FAM117B: variants seen among roughly 807,000 people sequenced by gnomAD.
FAM117B encodes protein FAM117B.
A neutral mutation model predicts 52.8 loss-of-function variants in FAM117B; 22 were observed. The ratio of observed to expected loss-of-function variants is 0.42; its 90% CI spans 0.30 to 0.59. FAM117B has a LOEUF of 0.59. Among genes scored for constraint, FAM117B ranks in the 20% least tolerant of loss-of-function variants. FAM117B has a pLI of 0.22. For synonymous variants in FAM117B, 309 were observed against 324.1 expected (o/e 0.95, Z 0.50); for missense variants, 678 against 802.6 (o/e 0.84, Z 1.88).
At chr2:202,749,391 T>A (rs1481043048) in intron 4 of FAM117B, among the ~76,000 whole-genome samples, 1 of 152,026 alleles carries the variant, frequency 6.6e-6, no homozygotes, top group Non-Finnish European at 1.5e-5. Flanking sequence ...TAAAAATGAT[T>A]TGGTTAAACG....
chr2:202,710,363 A>G (rs1292343873), intron 2 of FAM117B, among the ~76,000 whole-genome samples: 1 of 151,804 alleles, frequency 6.6e-6, no homozygotes, highest in Admixed American at 6.6e-5. Context: ...TTCTTATGTT[A>G]TTTTTTGGTG....
intron 1 of FAM117B, among the ~76,000 whole-genome samples, chr2:202,650,914 A>G (rs1201131504): frequency 6.6e-6 from 1 of 151,992 alleles, no homozygotes; most frequent in East Asian, 1.9e-4. Flanking sequence ...CAATCCGCTG[A>G]CTCAAATATT....
intron 1 of FAM117B, among the ~76,000 whole-genome samples, chr2:202,687,981 T>A (rs1690570232): frequency 6.6e-6 from 1 of 152,210 alleles, no homozygotes; most frequent in African/African-American, 2.4e-5. Flanking sequence ...CTGGAGAAGA[T>A]GCAAAATTAG....
intron 4 of FAM117B, among the ~76,000 whole-genome samples, chr2:202,752,224 G>A (rs1344680476): frequency 6.6e-6 from 1 of 152,090 alleles, no homozygotes; most frequent in Admixed American, 6.5e-5. Context: ...ACCATACCAG[G>A]TTTCCTGTCA....
intron 3 of FAM117B, 73 bp downstream of exon 3, chr2:202,725,082 G>C (rs551192831): frequency 2.0e-5 from 22 of 1,122,156 alleles, no homozygotes; most frequent in Non-Finnish European, 2.6e-5. Flanking sequence ...TGATATTATG[G>C]GCAGCAAGGA....
chr2:202,736,002 T>C (rs1691433383), intron 4 of FAM117B, among the ~76,000 whole-genome samples: 1 of 152,186 alleles, frequency 6.6e-6, no homozygotes, highest in African/African-American at 2.4e-5. Context: ...AAGAAAGCCC[T>C]TCCATAGGAT....
chr2:202,699,527 T>TC (rs1307566757), intron 2 of FAM117B, among the ~76,000 whole-genome samples: 1 of 145,322 alleles, frequency 6.9e-6, no homozygotes, highest in Non-Finnish European at 1.5e-5. Context: ...GTGTAGAATC[T>TC]CCTAAAGGAT....
chr2:202,670,472 A>G (rs1254161455), intron 1 of FAM117B, among the ~76,000 whole-genome samples: 1 of 151,772 alleles, frequency 6.6e-6, no homozygotes, highest in Non-Finnish European at 1.5e-5. Context: ...GTATTTTTAG[A>G]GACGGGGTTT....
Position 202,635,193 on chromosome 2 carries a change from C to G in FAM117B, c.6C>G (p.Ser2=). ...CACCGGGGAGGGGGGGGACCATGTCCCAGCGGGTGAGGCGCAATGGGTCCC... is the reference window on the plus strand; with the variant it reads ...CACCGGGGAGGGGGGGGACCATGTCGCAGCGGGTGAGGCGCAATGGGTCCC... M[S]QRVRRNGSPT... is the part of the protein sequence containing the mutation. The change falls in exon 1 of 8, where the codon TCC becomes TCG. Residue 2 remains serine (S), a synonymous_variant. Coordinates refer to ENST00000392238, the MANE Select transcript of FAM117B (RefSeq NM_173511.4). The G allele has an allele frequency of 7.8e-7, 1 of 1,284,226 alleles. No homozygotes were observed. The highest frequency in any genetic ancestry group is 9.9e-7 in the Non-Finnish European group (1 of 1,013,678). 79.6% of individuals were successfully genotyped at this position (1,284,226 alleles called of 1,614,324 possible).
At chr2:202,651,160 C>A (rs182278531) in intron 1 of FAM117B, among the ~76,000 whole-genome samples, 1 of 149,866 alleles carries the variant, frequency 6.7e-6, no homozygotes. Context: ...CCTCCCAGTT[C>A]AAGCAATTCT....
intron 7 of FAM117B, among the ~76,000 whole-genome samples, 174 bp downstream of exon 7, chr2:202,759,527 G>T (rs1691851687): frequency 6.6e-6 from 1 of 150,788 alleles, no homozygotes; most frequent in African/African-American, 2.4e-5. Flanking sequence ...AAGTAGCTGG[G>T]AATACAGATG....
chr2:202,737,847 C>A (rs1002719884), intron 4 of FAM117B, among the ~76,000 whole-genome samples: 1 of 152,148 alleles, frequency 6.6e-6, no homozygotes, highest in East Asian at 1.9e-4. Context: ...GGTGATCTGA[C>A]CACCTCGACC....
At chr2:202,654,079 G>GAC (rs1172901622) in intron 1 of FAM117B, among the ~76,000 whole-genome samples, 1 of 151,524 alleles carries the variant, frequency 6.6e-6, no homozygotes, top group African/African-American at 2.4e-5. Flanking sequence ...GAGAGAGAGA[G>GAC]AGAGAGAGAG....
chr2:202,706,476 A>G (rs1376463960), intron 2 of FAM117B, among the ~76,000 whole-genome samples: 1 of 152,238 alleles, frequency 6.6e-6, no homozygotes, highest in Admixed American at 6.5e-5. Context: ...AAAGATCTGA[A>G]TTCAGAAACT....
At chr2:202,763,728 A>G (rs1400763420) in intron 7 of FAM117B, among the ~76,000 whole-genome samples, 1 of 152,132 alleles carries the variant, frequency 6.6e-6, no homozygotes, top group African/African-American at 2.4e-5. Context: ...AACCTACATG[A>G]TGTATTTTTC....
intron 1 of FAM117B, among the ~76,000 whole-genome samples, chr2:202,654,906 A>C (rs1018914963): frequency 6.6e-6 from 1 of 151,980 alleles, no homozygotes; most frequent in Non-Finnish European, 1.5e-5. Flanking sequence ...ATAAGTGTCT[A>C]TTTGGGGCTG....
At position 202,757,230 on chromosome 2, in the gene FAM117B, T is replaced by A; in HGVS notation, c.1122T>A (p.Asp374Glu). Residue 374 changes from aspartate to glutamate, a missense_variant, in exon 6 of 8, where the codon GAT becomes GAA. Transcript: ENST00000392238. ...TGTAACAGCCGCAAGATATTCCAGA[T>A]GGCCATCGTGCTCCACCCCCCCTTG... ...EEQLIPQDIPDGHRAPPPLVQ... is the reference protein window; with the variant it reads ...EEQLIPQDIPEGHRAPPPLVQ... 1 of 1,614,024 alleles carries A rather than the reference T, an allele frequency of 6.2e-7. No homozygotes were observed. The highest frequency in any genetic ancestry group is 1.1e-5 in the South Asian group (1 of 91,072).
intron 2 of FAM117B, among the ~76,000 whole-genome samples, chr2:202,720,115 G>GC (rs1389369021): frequency 6.6e-6 from 1 of 152,060 alleles, no homozygotes; most frequent in Non-Finnish European, 1.5e-5. Flanking sequence ...ATTGGTTTTA[G>GC]CATTTGTTGA....
intron 4 of FAM117B, among the ~76,000 whole-genome samples, chr2:202,741,529 C>T (rs984104190): frequency 6.2e-5 from 9 of 146,062 alleles, no homozygotes; most frequent in Middle Eastern, 3.8e-3. Context: ...ATCAATAAAA[C>T]CAATGAAAAA....
Sources: gnomAD v4.1 joint callset for allele counts (sites outside exome capture counted in the v4.1 genomes callset) on GRCh38, gnomAD v4.1.1 for gene constraint, MANE v1.5 for transcripts, NCBI Gene and HGNC (gene_info 2026-07-23, HGNC 2026-07-21) for gene names.